Variants in ATP7A observed in about 807,000 individuals in gnomAD.
ATP7A encodes copper-transporting ATPase 1.
In ATP7A, 7 loss-of-function variants were observed where a neutral mutation model predicts 83.5. The observed-to-expected ratio is 0.08, with a 90% CI of 0.05 to 0.16. ATP7A has a LOEUF of 0.16. Among genes scored for constraint, ATP7A ranks in the 10% least tolerant of loss-of-function variants. The pLI is 1.00. For synonymous variants in ATP7A, 354 were observed against 395.2 expected (o/e 0.90, Z 1.24); for missense variants, 940 against 1,120.8 (o/e 0.84, Z 2.30).
intron 1 of ATP7A, among the ~76,000 whole-genome samples, chrX:77,913,385 A>G (rs1352198950): frequency 9.0e-6 from 1 of 111,262 alleles, no homozygotes; most frequent in Non-Finnish European, 1.9e-5. Flanking sequence ...TTCTTAGGAT[A>G]TAGCTCAACA....
chrX:78,037,081 A>G (rs1390812874), intron 17 of ATP7A, among the ~76,000 whole-genome samples: 2 of 111,340 alleles, frequency 1.8e-5, no homozygotes, highest in African/African-American at 6.5e-5. Flanking sequence ...CACAGGAGGG[A>G]CGGTATTGGG....
In ATP7A at chrX:78,047,513, A is replaced by C. The variant is rs919229499; in HGVS notation, c.*943A>C. The C allele has an allele frequency of 3.6e-5, 4 of 112,277 alleles. No individual in the cohort carries two copies. The highest frequency in any genetic ancestry group is 1.3e-4 in the African/African-American group (4 of 30,894). The allele number at this position is 112,277 out of a possible 1,213,427, so 9.3% of individuals were successfully genotyped here. A position where few individuals can be genotyped will look rare whatever the true frequency, so the allele number is the denominator to read the frequency against. On this transcript the variant is annotated 3_prime_UTR_variant, in exon 23 of 23. Coordinates refer to ENST00000341514, the MANE Select transcript of ATP7A (RefSeq NM_000052.7). Reference sequence around the variant, plus strand: ...TTTTCAAAGATTAAAACTATTATACATATACAGGTCATATAAAATTACCTG... The same window carrying C: ...TTTTCAAAGATTAAAACTATTATACCTATACAGGTCATATAAAATTACCTG...
rs181887074 is a variant in ATP7A, at chrX:78,049,505, G to A, written c.*2935G>A. 8.9e-6 allele frequency: 1 copy of A among 112,336 alleles called. No individual in the cohort carries two copies. The highest frequency in any genetic ancestry group is 2.8e-4 in the East Asian group (1 of 3,586). The allele number at this position is 112,336 out of a possible 1,213,427, so 9.3% of individuals were successfully genotyped here. ...GGCACCTTAAACTTAAATATCCAAA[G>A]ATGCCTTTTGAATTTCAAAGATTAA... is the stretch of plus-strand genomic sequence containing the variant. On this transcript the variant is annotated 3_prime_UTR_variant, in exon 23 of 23. Transcript: ENST00000341514.
chrX:77,945,942 G>A (rs2077376951), intron 1 of ATP7A, among the ~76,000 whole-genome samples: 1 of 111,257 alleles, frequency 9.0e-6, no homozygotes, highest in Non-Finnish European at 1.9e-5. Context: ...CATCTTATGT[G>A]TTCATATGCG....
In ATP7A at chrX:78,025,871, C is replaced by T. The variant is rs781935330; in HGVS notation, c.2917-3379C>T. 2.1e-3 allele frequency among the ~76,000 whole-genome samples: 231 copies of T among 110,893 alleles called. 3 individuals are homozygous for T. Among genetic ancestry groups the T allele is most frequent in the African/African-American group, 7.3e-3 (223 of 30,551 alleles). The stretch of plus-strand genomic sequence containing the variant: ...ATACATGAAGTAGAAACAAAGTCTT[C>T]CTCAGACAAGCAAACAGTAAGGAAA... On this transcript the variant is annotated intron_variant, in intron 14 of 22. Transcript: ENST00000341514.
intron 1 of ATP7A, among the ~76,000 whole-genome samples, chrX:77,958,362 G>T (rs2077456718): frequency 9.0e-6 from 1 of 111,496 alleles, no homozygotes; most frequent in South Asian, 3.8e-4. Context: ...ATGCAAAAAT[G>T]GACTAACAGT....
At chrX:77,989,141 C>T in intron 3 of ATP7A, 92 bp from the exon 4 acceptor site, 2 of 972,092 alleles carry the variant, frequency 2.1e-6, no homozygotes, top group Non-Finnish European at 2.8e-6. Flanking sequence ...GAGAGAGAAA[C>T]AATTATTTGT....
intron 14 of ATP7A, among the ~76,000 whole-genome samples, chrX:78,021,869 A>G (rs566346046): frequency 2.7e-5 from 3 of 111,336 alleles, no homozygotes; most frequent in African/African-American, 9.8e-5. Context: ...GAAAAACCGG[A>G]CTGCTGGTCC....
At chrX:78,044,640 G>A (rs1319259739) in intron 21 of ATP7A, among the ~76,000 whole-genome samples, 10 of 111,510 alleles carry the variant, frequency 9.0e-5, no homozygotes, top group Non-Finnish European at 1.9e-4. Flanking sequence ...TAGTCAGCTG[G>A]TATTTTTTTT....
At chrX:77,948,195 C>T (rs1224589101) in intron 1 of ATP7A, among the ~76,000 whole-genome samples, 1 of 108,853 alleles carries the variant, frequency 9.2e-6, no homozygotes, top group East Asian at 2.9e-4. Context: ...TGCACGATCT[C>T]GACTCACTGC....
chrX:77,920,239 G>A (rs2077205908), intron 1 of ATP7A, among the ~76,000 whole-genome samples: 1 of 104,901 alleles, frequency 9.5e-6, no homozygotes, highest in Admixed American at 1.0e-4. Flanking sequence ...TTTTTGAGAC[G>A]GAATCTCGCT....
intron 18 of ATP7A, 89 bp downstream of exon 18, chrX:78,039,071 G>T: frequency 1.0e-6 from 1 of 997,463 alleles, no homozygotes; most frequent in East Asian, 3.3e-5. Flanking sequence ...GAACTATGAG[G>T]GTTATTCAAA....
In ATP7A at chrX:78,047,006, C is replaced by G. The variant is rs1557239239; in HGVS notation, c.*436C>G. On this transcript the variant is annotated 3_prime_UTR_variant, in exon 23 of 23. Coordinates refer to ENST00000341514, the MANE Select transcript of ATP7A (RefSeq NM_000052.7). ...TACTCTCAAGCCTGTATCCCTGCCC[C>G]ACTGGGGAGCAATGACTTTCAAAGC... The G allele has an allele frequency of 7.7e-6, 1 of 130,617 alleles. No homozygotes were observed. Among genetic ancestry groups the G allele is most frequent in the Admixed American group, 8.2e-5 (1 of 12,265 alleles). 10.8% of individuals were successfully genotyped at this position (130,617 alleles called of 1,213,427 possible). A position where few individuals can be genotyped will look rare whatever the true frequency, so the allele number is the denominator to read the frequency against.
At chrX:77,981,052 A>C (rs1023352567) in intron 2 of ATP7A, among the ~76,000 whole-genome samples, 2 of 112,340 alleles carry the variant, frequency 1.8e-5, no homozygotes, top group African/African-American at 3.2e-5. Flanking sequence ...TATGCACATC[A>C]TTCTGCACCT....
Position 78,003,121 on chromosome X carries a change from G to A in ATP7A, c.1592G>A (p.Arg531Lys), listed in dbSNP as rs782048861. ...VALMAGKAEV[R>K]YNPAVIQPPM... ...CTGATGGCTGGCAAGGCAGAAGTAA[G>A]GTATAATCCTGCTGTTATACAACCC... Residue 531 changes from arginine (R) to lysine (K), a missense_variant, in exon 6 of 23, where the codon AGG becomes AAG. Physicochemically the swap from Arg to Lys is conservative, Grantham distance 26. Coordinates refer to ENST00000341514, the MANE Select transcript of ATP7A (RefSeq NM_000052.7). 2 of 1,207,293 alleles carry A rather than the reference G, an allele frequency of 1.7e-6. No homozygotes were observed. The highest frequency in any genetic ancestry group is 2.2e-6 in the Non-Finnish European group (2 of 893,118).
chrX:78,037,460 C>T (rs1228848668), intron 17 of ATP7A, among the ~76,000 whole-genome samples: 1 of 111,840 alleles, frequency 8.9e-6, no homozygotes, highest in African/African-American at 3.3e-5. Flanking sequence ...ACAGAAAGTT[C>T]TCTTGGACTG....
chrX:77,967,968 A>C (rs2077519835), intron 1 of ATP7A, among the ~76,000 whole-genome samples: 1 of 111,121 alleles, frequency 9.0e-6, no homozygotes, highest in African/African-American at 3.3e-5. Context: ...TTAATTGCAC[A>C]TCACTCCTTT....
Position 77,923,923 on chromosome X carries a change from A to C in ATP7A, c.-22+13088A>C, listed in dbSNP as rs781960427. The C allele has an allele frequency of 2.7e-5, 3 of 111,894 alleles. No individual in the cohort carries two copies. The East Asian group carries it at 8.3e-4, about 31-fold the overall frequency. 9.2% of individuals were successfully genotyped at this position (111,894 alleles called of 1,213,427 possible). ...CAGAATATACTAAACCAAAATTTAGAATTTGATTATAGCTTGACTCCCTAC... is the reference window on the plus strand; with the variant it reads ...CAGAATATACTAAACCAAAATTTAGCATTTGATTATAGCTTGACTCCCTAC... On this transcript the variant is annotated intron_variant, in intron 1 of 22. Transcript: ENST00000341514.
chrX:78,028,533 C>G (rs2077962258), intron 14 of ATP7A, among the ~76,000 whole-genome samples: 2 of 111,376 alleles, frequency 1.8e-5, no homozygotes, highest in African/African-American at 6.5e-5. Flanking sequence ...GAGATGAGGT[C>G]TTACCATGTT....
Sources: gnomAD v4.1 joint callset for allele counts (sites outside exome capture counted in the v4.1 genomes callset) on GRCh38, gnomAD v4.1.1 for gene constraint, MANE v1.5 for transcripts, NCBI Gene and HGNC (gene_info 2026-07-23, HGNC 2026-07-21) for gene names.